Variants in PID1 observed in about 807,000 individuals in gnomAD.
PID1 encodes the protein PTB-containing, cubilin and LRP1-interacting protein.
PID1 carries 10 observed loss-of-function variants against 19.1 expected under a neutral mutation model. That is an observed-to-expected ratio of 0.52 (90% CI 0.32 to 0.89). The LOEUF (loss-of-function observed/expected upper bound fraction) is 0.89. PID1 is among the 40% of genes least tolerant of loss of function. PID1 has a pLI of 0.03. For missense variants in PID1, 248 were observed against 285.3 expected (o/e 0.87, Z 0.94); for synonymous variants, 130 against 116.0 (o/e 1.12, Z -0.78).
At chr2:229,153,391 G>T (rs1224292365) in intron 2 of PID1, among the ~76,000 whole-genome samples, 1 of 152,124 alleles carries the variant, frequency 6.6e-6, no homozygotes, top group Non-Finnish European at 1.5e-5. Flanking sequence ...GCCTGGAATC[G>T]CCTCTTCAAG....
chr2:229,266,411 G>A (rs1372588105), intron 1 of PID1, among the ~76,000 whole-genome samples: 1 of 152,142 alleles, frequency 6.6e-6, no homozygotes, highest in Non-Finnish European at 1.5e-5. Context: ...AACTTCAATA[G>A]GAGACAGCAG....
chr2:229,225,572 C>T (rs951220422), intron 1 of PID1, among the ~76,000 whole-genome samples: 15 of 151,722 alleles, frequency 9.9e-5, no homozygotes, highest in Non-Finnish European at 1.9e-4. Context: ...GCCTCTCTTC[C>T]AAAACCAAGG....
intron 2 of PID1, among the ~76,000 whole-genome samples, chr2:229,124,617 T>A (rs574609318): frequency 6.6e-6 from 1 of 152,278 alleles, no homozygotes; most frequent in East Asian, 1.9e-4. Context: ...TGGGATTCAG[T>A]AACAATGTTT....
intron 1 of PID1, among the ~76,000 whole-genome samples, chr2:229,229,849 T>C (rs1692164818): frequency 6.6e-6 from 1 of 152,226 alleles, no homozygotes. Context: ...TCCTCTTTGC[T>C]TCATGTACCC....
At position 229,183,878 on chromosome 2, in the gene PID1, CTATATATATATA is replaced by C. The variant is rs148369137; in HGVS notation, c.31-27926_31-27915del. On this transcript the variant is annotated intron_variant, in intron 1 of 2. Transcript: ENST00000392055. ...CTCTCTCTCCTCACTCTCTCTCTTT[CTATATATATATA>C]TATATATATATATATATATATCCCC... is the stretch of plus-strand genomic sequence containing the variant. Among the ~76,000 whole-genome samples the C allele has an allele frequency of 4.7e-3, 88 of 18,704 alleles. 35 individuals carry two copies. In the East Asian group the frequency reaches 0.065, roughly 14 times the overall value. The allele number at this position is 18,704 out of a possible 152,430, so 12.3% of individuals were successfully genotyped here. A position where few individuals can be genotyped will look rare whatever the true frequency, so the allele number is the denominator to read the frequency against.
At chr2:229,048,239 C>T (rs1356125564) in intron 2 of PID1, among the ~76,000 whole-genome samples, 1 of 152,114 alleles carries the variant, frequency 6.6e-6, no homozygotes, top group Non-Finnish European at 1.5e-5. Flanking sequence ...AACTCAGGAA[C>T]CCCCTTTAAA....
chr2:229,229,792 T>C (rs572378450), intron 1 of PID1, among the ~76,000 whole-genome samples: 1 of 152,328 alleles, frequency 6.6e-6, no homozygotes, highest in East Asian at 1.9e-4. Context: ...TCTTCTCCCT[T>C]TCCTGGTGGA....
Position 229,250,438 on chromosome 2 carries a change from G to A in PID1, c.30+20576C>T, listed in dbSNP as rs540169827. On this transcript the variant is annotated intron_variant, in intron 1 of 2. Transcript: ENST00000392055. The stretch of plus-strand genomic sequence containing the variant: ...AACTGACTGTTCAAATCAGAGGACT[G>A]TGTTGCTTTCAGCATTATTGCACCA... Among the ~76,000 whole-genome samples, 23 of 152,362 alleles carry A rather than the reference G, an allele frequency of 1.5e-4. 1 individual carries two copies. In the South Asian group the frequency reaches 4.8e-3, roughly 32 times the overall value.
At chr2:229,167,864 G>C (rs1232568632) in intron 1 of PID1, among the ~76,000 whole-genome samples, 1 of 152,034 alleles carries the variant, frequency 6.6e-6, no homozygotes, top group African/African-American at 2.4e-5. Context: ...AGTAGTCTTT[G>C]AATTTTTGAA....
At chr2:229,167,226 T>TA (rs1690617629) in intron 1 of PID1, among the ~76,000 whole-genome samples, 3 of 152,282 alleles carry the variant, frequency 2.0e-5, no homozygotes, top group South Asian at 4.1e-4. Flanking sequence ...ATTAGTGGGC[T>TA]AAATATGATG....
chr2:229,129,204 G>A (rs570240537), intron 2 of PID1, among the ~76,000 whole-genome samples: 3 of 152,192 alleles, frequency 2.0e-5, no homozygotes, highest in Non-Finnish European at 4.4e-5. Flanking sequence ...TTTCCCACCA[G>A]GCTGTGATGC....
chr2:229,139,071 GAA>G (rs368197630), intron 2 of PID1, among the ~76,000 whole-genome samples: 20 of 55,288 alleles, frequency 3.6e-4, no homozygotes, highest in African/African-American at 9.7e-4. Context: ...AAGAAAGAAA[GAA>G]AGAAAGAAAG....
intron 2 of PID1, among the ~76,000 whole-genome samples, chr2:229,090,414 G>T (rs1574620413): frequency 6.6e-6 from 1 of 152,164 alleles, no homozygotes; most frequent in African/African-American, 2.4e-5. Context: ...GGGGAAGGGA[G>T]GTGAGCTCAC....
chr2:229,112,991 C>A (rs1695329684), intron 2 of PID1, among the ~76,000 whole-genome samples: 1 of 152,112 alleles, frequency 6.6e-6, no homozygotes, highest in Non-Finnish European at 1.5e-5. Flanking sequence ...CTATCTATCT[C>A]ACAGAAATTC....
intron 2 of PID1, among the ~76,000 whole-genome samples, chr2:229,029,906 T>C (rs1194588049): frequency 2.0e-5 from 3 of 151,784 alleles, no homozygotes; most frequent in African/African-American, 7.3e-5. Flanking sequence ...TCTGGGTATA[T>C]ACCCCAAATA....
chr2:229,121,863 A>G (rs1308751541), intron 2 of PID1, among the ~76,000 whole-genome samples: 1 of 152,198 alleles, frequency 6.6e-6, no homozygotes, highest in African/African-American at 2.4e-5. Flanking sequence ...GAGATAAACA[A>G]TAAAGAAATA....
At chr2:229,148,698 C>T (rs575803821) in intron 2 of PID1, among the ~76,000 whole-genome samples, 3 of 135,130 alleles carry the variant, frequency 2.2e-5, no homozygotes, top group Non-Finnish European at 3.1e-5. Context: ...AGAGAGAAAG[C>T]GAAGGAGGAA....
chr2:229,026,218 G>A (rs917681814), intron 2 of PID1, 110 bp from the exon 3 acceptor site: 35 of 742,106 alleles, frequency 4.7e-5, no homozygotes, highest in African/African-American at 8.7e-5. Flanking sequence ...TTGGGAAGGT[G>A]AAGACACTTC....
chr2:229,144,627 G>A (rs978274056), intron 2 of PID1, among the ~76,000 whole-genome samples: 1 of 152,114 alleles, frequency 6.6e-6, no homozygotes, highest in Non-Finnish European at 1.5e-5. Context: ...AAGAGAGTGA[G>A]TATAGTCATT....
Sources: allele counts gnomAD v4.1 joint callset (sites outside exome capture counted in the v4.1 genomes callset), GRCh38; gene constraint gnomAD v4.1.1; transcripts MANE v1.5; gene names NCBI Gene and HGNC (gene_info 2026-07-23, HGNC 2026-07-21).